PTGER4: variants seen among roughly 807,000 people sequenced by gnomAD.
The protein encoded by PTGER4 is prostaglandin E receptor 4, also known as prostaglandin E2 receptor EP4 subtype.
PTGER4 carries 11 observed loss-of-function variants against 33.2 expected under a neutral mutation model. The ratio of observed to expected loss-of-function variants is 0.33; its 90% CI spans 0.21 to 0.55. The LOEUF (loss-of-function observed/expected upper bound fraction) is 0.55. PTGER4 is among the 20% of genes least tolerant of loss of function. The probability of loss-of-function intolerance (pLI) is 0.92; values close to 1 mark genes in which losing one functional copy is unlikely to be tolerated. For synonymous variants in PTGER4, 275 were observed against 281.5 expected (o/e 0.98, Z 0.23); for missense variants, 481 against 650.2 (o/e 0.74, Z 2.83).
chr5:40,723,596 G>A, the PTGER4 span, among the ~76,000 whole-genome samples: 1 of 152,008 alleles, frequency 6.6e-6, no homozygotes, highest in Non-Finnish European at 1.5e-5. Flanking sequence ...CAGATGCGGT[G>A]ACTCACACCT....
the PTGER4 span, chr5:40,730,231 T>C: frequency 6.5e-7 from 1 of 1,539,094 alleles, no homozygotes. Context: ...CACAATTTCA[T>C]AAGGAAAGTG....
downstream of PTGER4, among the ~76,000 whole-genome samples, chr5:40,697,696 A>ATTT (rs34024935): frequency 6.6e-6 from 1 of 151,080 alleles, no homozygotes; most frequent in Admixed American, 6.6e-5. Flanking sequence ...AATTAGTAAA[A>ATTT]ATATACATAG....
At chr5:40,684,436 A>G (rs1479064474) in intron 2 of PTGER4, among the ~76,000 whole-genome samples, 2 of 152,210 alleles carry the variant, frequency 1.3e-5, no homozygotes, top group Non-Finnish European at 2.9e-5. Flanking sequence ...TTGGAATTTC[A>G]GAAAGCTTGA....
the PTGER4 span, among the ~76,000 whole-genome samples, chr5:40,700,090 G>A: frequency 3.9e-5 from 6 of 152,150 alleles, no homozygotes; most frequent in African/African-American, 1.4e-4. Flanking sequence ...GCTAACAAAT[G>A]AATTCATCAA....
chr5:40,732,585 G>C, the PTGER4 span, among the ~76,000 whole-genome samples: 1 of 151,820 alleles, frequency 6.6e-6, no homozygotes, highest in South Asian at 2.1e-4. Context: ...ACATTTCTGG[G>C]AATGTAGAAG....
intron 2 of PTGER4, chr5:40,685,281 T>A (rs1406097951): frequency 2.3e-6 from 1 of 437,968 alleles, no homozygotes; most frequent in Non-Finnish European, 3.0e-6. Flanking sequence ...TTTATTTGGT[T>A]CCTTACTATA....
chr5:40,723,813 C>T, the PTGER4 span, among the ~76,000 whole-genome samples: 7 of 151,556 alleles, frequency 4.6e-5, no homozygotes, highest in African/African-American at 9.7e-5. Context: ...TACAGTGAGC[C>T]GAGATCACAC....
chr5:40,719,106 T>C, the PTGER4 span, among the ~76,000 whole-genome samples: 25 of 152,164 alleles, frequency 1.6e-4, no homozygotes, highest in Non-Finnish European at 3.4e-4. Context: ...AGCTCACCCA[T>C]TTAAAACATA....
rs745636440 is a variant in PTGER4 at position 40,692,415 on chromosome 5, C to G, written c.*37C>G. On this transcript the variant is annotated 3_prime_UTR_variant, in exon 3 of 3. Transcript: ENST00000302472. ...AGAAATACAGTACTGTTTCTGGACC[C>G]TTATAAAATCCTGTGCAATAGACAC... The G allele has an allele frequency of 4.6e-6, 7 of 1,530,620 alleles. No individual in the cohort carries two copies. In the East Asian group the frequency reaches 1.6e-4, roughly 35 times the overall value. The allele number at this position is 1,530,620 out of a possible 1,614,324, so 94.8% of individuals were successfully genotyped here.
the PTGER4 span, chr5:40,716,278 G>A: frequency 6.2e-7 from 1 of 1,614,144 alleles, no homozygotes; most frequent in East Asian, 2.2e-5. Context: ...CTCTTTCTCA[G>A]CAATAGCTGC....
chr5:40,717,003 C>T, the PTGER4 span, among the ~76,000 whole-genome samples: 49,053 of 151,804 alleles, frequency 0.32, 8,409 homozygotes, highest in East Asian at 0.56. Context: ...CTGAGGTGGG[C>T]GGATCACCTG....
chr5:40,739,293 C>T, the PTGER4 span, among the ~76,000 whole-genome samples: 1 of 152,196 alleles, frequency 6.6e-6, no homozygotes. Context: ...CAAACGCAAG[C>T]TTGCTGGGAT....
At chr5:40,716,224 G>GA in the PTGER4 span, 1 of 1,614,192 alleles carries the variant, frequency 6.2e-7, no homozygotes, top group Non-Finnish European at 8.5e-7. Flanking sequence ...TATGGCCCCA[G>GA]AAGCAGACAC....
In PTGER4 at chr5:40,681,608, T is replaced by C. The variant is rs34902673; in HGVS notation, c.615T>C (p.Leu205=). The change falls in exon 2 of 3, where the codon CTT becomes CTC. Residue 205 remains leucine, a synonymous_variant. Transcript: ENST00000302472. This position sits in a 1 kb window ranked among gnomAD's most constrained non-coding sequence, Gnocchi z 9.8. The part of the protein sequence containing the change: ...LILATVLCNV[L]VCGALLRMHR... ...TCGCCACCGTCCTCTGCAACGTGCT[T>C]GTGTGCGGCGCGCTGCTCCGCATGC... 4.8e-3 allele frequency: 7,721 copies of C among 1,607,226 alleles called. 27 individuals are homozygous for C. The highest frequency in any genetic ancestry group is 5.7e-3 in the Non-Finnish European group (6,713 of 1,179,920).
At chr5:40,685,429 T>A in intron 2 of PTGER4, 4 of 985,442 alleles carry the variant, frequency 4.1e-6, no homozygotes, top group Non-Finnish European at 4.8e-6. Flanking sequence ...ACTGATGGGA[T>A]GTCAGATGAG....
At chr5:40,687,799 T>C (rs1741365089) in intron 2 of PTGER4, among the ~76,000 whole-genome samples, 1 of 152,206 alleles carries the variant, frequency 6.6e-6, no homozygotes, top group African/African-American at 2.4e-5. Flanking sequence ...GAACTCCCCT[T>C]TATTGAAAAG....
chr5:40,739,502 T>C, the PTGER4 span, among the ~76,000 whole-genome samples: 1 of 152,172 alleles, frequency 6.6e-6, no homozygotes, highest in Admixed American at 6.5e-5. Context: ...GTTTCCCTCT[T>C]GGTACTGTTC....
the PTGER4 span, among the ~76,000 whole-genome samples, chr5:40,705,788 G>T: frequency 6.6e-6 from 1 of 152,166 alleles, no homozygotes; most frequent in African/African-American, 2.4e-5. Flanking sequence ...TCTCACACTA[G>T]TCAGAATGGC....
chr5:40,701,566 C>T, the PTGER4 span, among the ~76,000 whole-genome samples: 1 of 152,082 alleles, frequency 6.6e-6, no homozygotes, highest in Non-Finnish European at 1.5e-5. Flanking sequence ...CACTGGCATT[C>T]CTGACAGAAA....
Sources: gnomAD v4.1 joint callset for allele counts (sites outside exome capture counted in the v4.1 genomes callset) on GRCh38, gnomAD v4.1.1 for gene constraint, Gnocchi (gnomAD v3.1) non-coding constraint, MANE v1.5 for transcripts, NCBI Gene and HGNC (gene_info 2026-07-23, HGNC 2026-07-21) for gene names.